Variants in MPDZ observed in about 807,000 individuals in gnomAD.
The protein encoded by MPDZ is multiple PDZ domain protein.
In MPDZ, 234 loss-of-function variants were observed where a neutral mutation model predicts 239.1. The ratio of observed to expected loss-of-function variants is 0.98; its 90% CI spans 0.88 to 1.09. The LOEUF (loss-of-function observed/expected upper bound fraction) is 1.09. Among genes scored for constraint, MPDZ ranks in the 50% least tolerant of loss-of-function variants. MPDZ has a pLI of 0.00. For missense variants in MPDZ, 3,175 were observed against 2,510.0 expected (o/e 1.26, Z -5.66); for synonymous variants, 1,048 against 881.3 (o/e 1.19, Z -3.35).
At chr9:13,224,013 G>C (rs1959701450) in intron 4 of MPDZ, among the ~76,000 whole-genome samples, 1 of 151,458 alleles carries the variant, frequency 6.6e-6, no homozygotes, top group African/African-American at 2.4e-5. Context: ...CAGTGTGGGT[G>C]ACAGAGCAAG....
At chr9:13,198,141 T>A (rs1423899107) in intron 12 of MPDZ, among the ~76,000 whole-genome samples, 1 of 152,148 alleles carries the variant, frequency 6.6e-6, no homozygotes, top group Non-Finnish European at 1.5e-5. Flanking sequence ...CATATGGTAG[T>A]TTAACTGTTC....
chr9:13,192,185 G>A lies in MPDZ; in HGVS notation c.1914C>T (p.Thr638=), dbSNP rs775583677. 18 of 1,610,744 alleles carry A rather than the reference G, an allele frequency of 1.1e-5. No individual in the cohort carries two copies. The highest frequency in any genetic ancestry group is 1.5e-5 in the Non-Finnish European group (18 of 1,178,396). Residue 638 remains threonine (T), a synonymous_variant, in exon 15 of 47, where the codon ACC becomes ACT. Transcript: ENST00000319217. ...CCAGGCTATCCAATTCTGATTGGGT[G>A]GTGGGTGGCACAGTTCGACGACAGC... ...MVCCRRTVPP[T]TQSELDSLDL...
chr9:13,210,632 G>C (rs180855148), intron 10 of MPDZ, among the ~76,000 whole-genome samples: 309 of 152,138 alleles, frequency 2.0e-3, no homozygotes, highest in Admixed American at 5.4e-3. Context: ...TCACCTCCCT[G>C]ACTTTGTCTG....
chr9:13,271,441 G>A (rs769984975), intron 1 of MPDZ, among the ~76,000 whole-genome samples: 1 of 152,086 alleles, frequency 6.6e-6, no homozygotes, highest in Non-Finnish European at 1.5e-5. Flanking sequence ...TGTAAAAGTA[G>A]AACACAAAAT....
Position 13,126,739 on chromosome 9 carries a change from C to T in MPDZ, c.4498G>A (p.Glu1500Lys), listed in dbSNP as rs1258463749. 1.2e-6 allele frequency: 2 copies of T among 1,613,914 alleles called. No homozygotes were observed. Among genetic ancestry groups the T allele is most frequent in the East Asian group, 2.2e-5 (1 of 44,866 alleles). ...ATGATGACTCCACTGAGTGTATCTTCTTCGCTGATAGCAATACCCAAACCC... is the reference window on the plus strand; with the variant it reads ...ATGATGACTCCACTGAGTGTATCTTTTTCGCTGATAGCAATACCCAAACCC... Reference protein sequence around the residue: ...QGGLGIAISEEDTLSGVIIKS... With the variant: ...QGGLGIAISEKDTLSGVIIKS... Residue 1500 changes from glutamate to lysine, a missense_variant, in exon 33 of 47, where the codon GAA (glutamate) becomes AAA (lysine). By Grantham distance (56) the Glu-to-Lys change is moderately conservative. Coordinates refer to ENST00000319217, the MANE Select transcript of MPDZ (RefSeq NM_001378778.1).
chr9:13,148,429 T>C (rs1165372772), intron 25 of MPDZ, among the ~76,000 whole-genome samples: 2 of 151,968 alleles, frequency 1.3e-5, no homozygotes, highest in African/African-American at 4.8e-5. Context: ...TTATGATATA[T>C]ACAACAAAAG....
chr9:13,217,413 C>A, intron 8 of MPDZ, 119 bp from the exon 9 acceptor site: 2 of 644,710 alleles, frequency 3.1e-6, no homozygotes, highest in Non-Finnish European at 5.3e-6. Context: ...CTTTAATTCT[C>A]TAGCAAAGAA....
chr9:13,234,455 A>C (rs1963401042), intron 3 of MPDZ, among the ~76,000 whole-genome samples: 1 of 152,150 alleles, frequency 6.6e-6, no homozygotes, highest in Non-Finnish European at 1.5e-5. Flanking sequence ...GCTTAGGATC[A>C]AACTTTATTT....
chr9:13,226,657 C>T (rs1438087066), intron 3 of MPDZ, among the ~76,000 whole-genome samples: 1 of 152,116 alleles, frequency 6.6e-6, no homozygotes, highest in East Asian at 1.9e-4. Context: ...ACTTACTGTG[C>T]CCTGTTTTAA....
chr9:13,132,520 G>A (rs559068472), intron 32 of MPDZ, among the ~76,000 whole-genome samples: 424 of 152,228 alleles, frequency 2.8e-3, no homozygotes, highest in Non-Finnish European at 4.9e-3. Context: ...AGCCTAATGT[G>A]GAAATAGATG....
chr9:13,198,737 CTGTGTGTGTGTGTGTGTGTG>C (rs1554691393), intron 12 of MPDZ, among the ~76,000 whole-genome samples: 1 of 69,750 alleles, frequency 1.4e-5, no homozygotes, highest in Non-Finnish European at 2.9e-5. Flanking sequence ...ATCTCTCTCT[CTGTGTGTGTGTGTGTGTGTG>C]TGTGTGTGTG....
At chr9:13,259,326 T>A (rs559678847) in intron 1 of MPDZ, among the ~76,000 whole-genome samples, 10 of 151,174 alleles carry the variant, frequency 6.6e-5, no homozygotes, top group Non-Finnish European at 1.3e-4. Flanking sequence ...AGAGCAAGAG[T>A]CTGTCTCGGA....
chr9:13,227,402 A>G (rs1395116724), intron 3 of MPDZ, among the ~76,000 whole-genome samples: 1 of 152,062 alleles, frequency 6.6e-6, no homozygotes, highest in African/African-American at 2.4e-5. Flanking sequence ...GAGCCATGGC[A>G]ACTTCAATAA....
Position 13,223,662 on chromosome 9 carries a change from G to GGCC in MPDZ, c.439_441dup (p.Gly147dup), listed in dbSNP as rs755366598. 163 of 1,611,698 alleles carry GGCC rather than the reference G, an allele frequency of 1.0e-4. No individual in the cohort carries two copies. In the East Asian group the frequency reaches 3.6e-3, roughly 36 times the overall value. On this transcript the variant is annotated inframe_insertion, in exon 5 of 47. Transcript: ENST00000319217. ...CTTAGTCCCACAACACTAAACCCAA[G>GGCC]GCCTCCAGATGGAGGTTTGAGGAGC...
At chr9:13,118,633 A>G (rs938133242) in intron 39 of MPDZ, among the ~76,000 whole-genome samples, 1 of 152,228 alleles carries the variant, frequency 6.6e-6, no homozygotes, top group Non-Finnish European at 1.5e-5. Context: ...TTAAAAAAAC[A>G]AAACAAGGAG....
chr9:13,136,907 A>G, intron 29 of MPDZ, 104 bp from the exon 30 acceptor site: 2 of 570,586 alleles, frequency 3.5e-6, no homozygotes, highest in Non-Finnish European at 6.0e-6. Context: ...CCTTTAAAAT[A>G]TATTTTATAT....
At chr9:13,174,440 A>G (rs1952197675) in intron 21 of MPDZ, among the ~76,000 whole-genome samples, 1 of 152,196 alleles carries the variant, frequency 6.6e-6, no homozygotes, top group Admixed American at 6.5e-5. Context: ...CAATTATTCA[A>G]GAAAAATGGG....
chr9:13,191,010 TATGAA>T, intron 15 of MPDZ, among the ~76,000 whole-genome samples: 1 of 152,168 alleles, frequency 6.6e-6, no homozygotes, highest in Non-Finnish European at 1.5e-5. Context: ...TGTTCATCTG[TATGAA>T]CATAACTTAA....
At chr9:13,140,863 A>G (rs545536082) in intron 27 of MPDZ, 20 of 152,226 alleles carry the variant, frequency 1.3e-4, no homozygotes, top group Admixed American at 5.2e-4. Flanking sequence ...TCTCCATATG[A>G]TTCTCTTAAC....
Sources: gnomAD v4.1 joint callset for allele counts (sites outside exome capture counted in the v4.1 genomes callset) on GRCh38, gnomAD v4.1.1 for gene constraint, MANE v1.5 for transcripts, NCBI Gene and HGNC (gene_info 2026-07-23, HGNC 2026-07-21) for gene names.